Variants in CGNL1 observed in about 807,000 individuals in gnomAD.
The protein encoded by CGNL1 is cingulin like 1.
Under a neutral mutation model 141.2 loss-of-function variants are expected in CGNL1, and 132 were observed. The ratio of observed to expected loss-of-function variants is 0.93; its 90% CI spans 0.81 to 1.08. CGNL1 has a LOEUF of 1.08. Ranked by LOEUF, CGNL1 falls within the 50% of genes least tolerant of loss-of-function variation. The probability of loss-of-function intolerance (pLI) is 0.00; values close to 1 mark genes in which losing one functional copy is unlikely to be tolerated. For missense variants in CGNL1, 1,870 were observed against 1,588.6 expected, an observed-to-expected ratio of 1.18 and a Z score of -3.01; for synonymous variants, 690 against 622.1, an observed-to-expected ratio of 1.11 and a Z score of -1.63.
Position 57,516,782 on chromosome 15 carries a change from T to C in CGNL1, c.2406T>C (p.Asn802=). 6.2e-7 allele frequency: 1 copy of C among 1,614,030 alleles called. No individual in the cohort carries two copies. The highest frequency in any genetic ancestry group is 8.5e-7 in the Non-Finnish European group (1 of 1,179,956). Residue 802 remains asparagine, a splice_region_variant and synonymous_variant, in exon 9 of 19, where the codon AAT becomes AAC. Transcript: ENST00000281282. ...LRESVEEATK[N]VEVLASRSNT... ...CATTTGCTTTGTGTTTTTAACAGAATGTCGAGGTCTTGGCGAGCAGGAGCA... is the reference window on the plus strand; with the variant it reads ...CATTTGCTTTGTGTTTTTAACAGAACGTCGAGGTCTTGGCGAGCAGGAGCA...
chr15:57,503,601 G>T (rs375840477), intron 8 of CGNL1, among the ~76,000 whole-genome samples: 3 of 152,138 alleles, frequency 2.0e-5, no homozygotes, highest in Non-Finnish European at 2.9e-5. Flanking sequence ...AGTGGAAGGG[G>T]TGTGTTATTA....
At chr15:57,449,145 G>A (rs1248623158) in intron 4 of CGNL1, among the ~76,000 whole-genome samples, 2 of 152,174 alleles carry the variant, frequency 1.3e-5, no homozygotes, top group South Asian at 2.1e-4. Flanking sequence ...TGAAGTTTCT[G>A]TTGGGTTCTT....
chr15:57,423,265 G>A (rs1397409948), intron 1 of CGNL1, among the ~76,000 whole-genome samples: 1 of 152,104 alleles, frequency 6.6e-6, no homozygotes, highest in African/African-American at 2.4e-5. Context: ...ATAAAATTAG[G>A]TAATGGTCCT....
chr15:57,486,001 G>A (rs1297839010), intron 8 of CGNL1, among the ~76,000 whole-genome samples: 4 of 152,168 alleles, frequency 2.6e-5, no homozygotes, highest in African/African-American at 9.7e-5. Context: ...AACCAGTCAA[G>A]GGCCAGGAAG....
chr15:57,393,359 T>G (rs1023493902), intron 1 of CGNL1, among the ~76,000 whole-genome samples: 38 of 152,148 alleles, frequency 2.5e-4, no homozygotes, highest in African/African-American at 8.9e-4. Flanking sequence ...GTGTTCACAA[T>G]TGGAGGAAAA....
intron 10 of CGNL1, among the ~76,000 whole-genome samples, chr15:57,520,675 A>G (rs565413699): frequency 7.2e-5 from 11 of 152,216 alleles, no homozygotes; most frequent in Non-Finnish European, 1.3e-4. Context: ...TGGAGAAACC[A>G]CAGTTCTTTC....
chr15:57,547,568 GCAT>G lies in CGNL1; in HGVS notation c.*80_*82del. 6.6e-7 allele frequency: 1 copy of G among 1,512,154 alleles called. No individual in the cohort carries two copies. Among genetic ancestry groups the G allele is most frequent in the South Asian group, 1.2e-5 (1 of 81,044 alleles). 93.7% of individuals were successfully genotyped at this position (1,512,154 alleles called of 1,614,324 possible). The stretch of plus-strand genomic sequence containing the variant: ...CCCAAAGTGGGAGGCAGGGAGGGGA[GCAT>G]CTGTCTGCCACTGAGACCAATCACA... On this transcript the variant is annotated 3_prime_UTR_variant, in exon 19 of 19. Transcript: ENST00000281282.
At chr15:57,459,491 C>T (rs374995844) in intron 7 of CGNL1, among the ~76,000 whole-genome samples, 4 of 152,058 alleles carry the variant, frequency 2.6e-5, no homozygotes, top group Admixed American at 6.5e-5. Flanking sequence ...GAGGTCTTAC[C>T]GTATCTGGGT....
At chr15:57,441,136 A>C (rs1263516748) in intron 3 of CGNL1, among the ~76,000 whole-genome samples, 3 of 151,654 alleles carry the variant, frequency 2.0e-5, no homozygotes, top group Non-Finnish European at 4.4e-5. Context: ...GCAAATCCTC[A>C]TTGGTATCAA....
At chr15:57,532,653 G>T (rs1336357068) in intron 14 of CGNL1, among the ~76,000 whole-genome samples, 1 of 152,230 alleles carries the variant, frequency 6.6e-6, no homozygotes, top group Non-Finnish European at 1.5e-5. Context: ...GGAAAGTACT[G>T]TTATTGAACG....
chr15:57,448,226 C>G (rs1203394996), intron 4 of CGNL1, among the ~76,000 whole-genome samples: 1 of 152,058 alleles, frequency 6.6e-6, no homozygotes, highest in Non-Finnish European at 1.5e-5. Flanking sequence ...AGGAGGATCA[C>G]TTGAGCTTAG....
intron 1 of CGNL1, among the ~76,000 whole-genome samples, chr15:57,411,573 A>G (rs562779601): frequency 6.6e-6 from 1 of 151,354 alleles, no homozygotes; most frequent in South Asian, 2.1e-4. Flanking sequence ...CCTCCCAAGT[A>G]TCTGGGATTA....
At chr15:57,513,266 G>GTGTC (rs1428504851) in intron 8 of CGNL1, among the ~76,000 whole-genome samples, 25 of 139,458 alleles carry the variant, frequency 1.8e-4, no homozygotes, top group African/African-American at 7.0e-4. Flanking sequence ...GTGTGTGTGT[G>GTGTC]TGTGTGTGTG....
Position 57,438,110 on chromosome 15 carries a change from A to G in CGNL1, c.111A>G (p.Ala37=), listed in dbSNP as rs566024340. 2.7e-4 allele frequency: 431 copies of G among 1,614,176 alleles called. 4 individuals are homozygous for G. The South Asian group carries it at 4.6e-3, about 17-fold the overall frequency. The change falls in exon 2 of 19, where the codon GCA becomes GCG. Residue 37 remains alanine, a synonymous_variant. Transcript: ENST00000281282. ...CAAGGAGTTCCCAGAACTCCAAGGC[A>G]GGCTCCTACGGTGTCAGTATTCGGG... is the stretch of plus-strand genomic sequence containing the variant. ...QKSRSSQNSK[A]GSYGVSIRVQ...
chr15:57,482,212 C>A (rs1277236323), intron 8 of CGNL1, among the ~76,000 whole-genome samples: 1 of 151,996 alleles, frequency 6.6e-6, no homozygotes, highest in African/African-American at 2.4e-5. Flanking sequence ...TTCTTCCAAT[C>A]TCTAGTAAAA....
intron 3 of CGNL1, among the ~76,000 whole-genome samples, chr15:57,441,626 C>T (rs1184615481): frequency 6.6e-6 from 1 of 152,142 alleles, no homozygotes; most frequent in Non-Finnish European, 1.5e-5. Flanking sequence ...GCATCTGCCT[C>T]CCAAAGTGCT....
chr15:57,465,556 A>AGT (rs2063501598), intron 8 of CGNL1, among the ~76,000 whole-genome samples: 1 of 151,668 alleles, frequency 6.6e-6, no homozygotes, highest in Non-Finnish European at 1.5e-5. Context: ...ACACCTGACT[A>AGT]ATTTTTGTAT....
intron 5 of CGNL1, 112 bp from the exon 6 acceptor site, chr15:57,452,029 G>A (rs2063328025): frequency 1.1e-6 from 1 of 889,102 alleles, no homozygotes. Flanking sequence ...TGATTAAGTT[G>A]TTTAATAATG....
intron 8 of CGNL1, among the ~76,000 whole-genome samples, chr15:57,469,508 G>A (rs113896121): frequency 1.3e-5 from 2 of 151,934 alleles, no homozygotes; most frequent in African/African-American, 4.8e-5. Context: ...AAAGCCAGGG[G>A]AAGGGCAGTT....
Sources: gnomAD v4.1 joint callset for allele counts (sites outside exome capture counted in the v4.1 genomes callset) on GRCh38, gnomAD v4.1.1 for gene constraint, MANE v1.5 for transcripts, NCBI Gene and HGNC (gene_info 2026-07-23, HGNC 2026-07-21) for gene names.